The following HCN1 variants were observed in gnomAD, a reference collection of about 807,000 sequenced individuals.
HCN1 encodes potassium/sodium hyperpolarization-activated cyclic nucleotide-gated channel 1.
In HCN1, 13 loss-of-function variants were observed where a neutral mutation model predicts 78.9. The observed-to-expected ratio is 0.16, with a 90% CI of 0.11 to 0.26. The LOEUF is 0.26. Ranked by LOEUF, HCN1 falls within the 10% of genes least tolerant of loss-of-function variation. The pLI is 1.00. For missense variants in HCN1, 810 were observed against 1,154.3 expected (o/e 0.70, Z 4.32); for synonymous variants, 552 against 455.5 (o/e 1.21, Z -2.70).
intron 5 of HCN1, among the ~76,000 whole-genome samples, chr5:45,318,969 G>C (rs1440125614): frequency 6.6e-6 from 1 of 151,844 alleles, no homozygotes; most frequent in East Asian, 1.9e-4. Context: ...TTGTGTCTTG[G>C]TTCTTTTACT....
At chr5:45,454,686 C>T (rs551653488) in intron 3 of HCN1, among the ~76,000 whole-genome samples, 1 of 151,828 alleles carries the variant, frequency 6.6e-6, no homozygotes, top group African/African-American at 2.4e-5. Context: ...ATTACTTTGG[C>T]TATATTATGT....
At chr5:45,334,315 A>T (rs551500230) in intron 5 of HCN1, among the ~76,000 whole-genome samples, 1 of 151,704 alleles carries the variant, frequency 6.6e-6, no homozygotes, top group Admixed American at 6.6e-5. Flanking sequence ...TGTTCTTTAC[A>T]TCTTGTATCC....
chr5:45,266,181 C>T (rs1422007747), intron 7 of HCN1, among the ~76,000 whole-genome samples: 1 of 152,094 alleles, frequency 6.6e-6, no homozygotes, highest in Non-Finnish European at 1.5e-5. Flanking sequence ...ACTAGCATAA[C>T]TAATAAGGCC....
At chr5:45,688,165 C>T (rs1459830998) in intron 1 of HCN1, among the ~76,000 whole-genome samples, 1 of 152,066 alleles carries the variant, frequency 6.6e-6, no homozygotes, top group Non-Finnish European at 1.5e-5. Flanking sequence ...TGTGTCTGTG[C>T]TTTTTCATAT....
chr5:45,396,439 T>C, intron 4 of HCN1, 53 bp downstream of exon 4: 3 of 1,383,232 alleles, frequency 2.2e-6, no homozygotes, highest in Non-Finnish European at 3.0e-6. Flanking sequence ...CAATTCAATT[T>C]ACTGGTTCAG....
intron 4 of HCN1, among the ~76,000 whole-genome samples, chr5:45,357,043 C>CT (rs553057219): frequency 1.1e-3 from 167 of 151,876 alleles, no homozygotes; most frequent in Admixed American, 1.6e-3. Flanking sequence ...TATTTTTTTT[C>CT]TAGCCTCCTT....
intron 1 of HCN1, among the ~76,000 whole-genome samples, chr5:45,676,877 T>G (rs1313920336): frequency 6.6e-6 from 1 of 151,770 alleles, no homozygotes; most frequent in Non-Finnish European, 1.5e-5. Context: ...GGTAGTTAAT[T>G]ATTACCTACC....
intron 2 of HCN1, chr5:45,574,993 T>C (rs1743910522): frequency 6.6e-6 from 1 of 152,160 alleles, no homozygotes; most frequent in African/African-American, 2.4e-5. Context: ...AAAGAAGTAA[T>C]GTCCAGAACA....
At chr5:45,458,682 A>G (rs1291087223) in intron 3 of HCN1, among the ~76,000 whole-genome samples, 2 of 152,188 alleles carry the variant, frequency 1.3e-5, no homozygotes, top group African/African-American at 4.8e-5. Context: ...CAGAAATTAC[A>G]GAGTCAGATA....
intron 2 of HCN1, among the ~76,000 whole-genome samples, chr5:45,614,115 G>T (rs16902187): frequency 1.7e-3 from 260 of 152,218 alleles, no homozygotes; most frequent in African/African-American, 5.6e-3. Context: ...ATGGACATCT[G>T]TTGTTCATGT....
intron 4 of HCN1, among the ~76,000 whole-genome samples, chr5:45,378,995 C>T (rs1747748466): frequency 1.3e-5 from 2 of 152,164 alleles, no homozygotes; most frequent in South Asian, 2.1e-4. Flanking sequence ...TGTATATGTG[C>T]CACATTTTCT....
intron 2 of HCN1, among the ~76,000 whole-genome samples, chr5:45,624,809 G>A (rs1745130484): frequency 6.6e-6 from 1 of 151,866 alleles, no homozygotes; most frequent in South Asian, 2.1e-4. Flanking sequence ...AGGGATGTAG[G>A]GCACACTGGA....
intron 1 of HCN1, among the ~76,000 whole-genome samples, chr5:45,655,617 AG>A (rs1745748970): frequency 6.6e-6 from 1 of 152,148 alleles, no homozygotes; most frequent in Non-Finnish European, 1.5e-5. Context: ...GAAGGGGCAT[AG>A]GCTATGATGC....
chr5:45,317,822 C>G (rs1746029546), intron 5 of HCN1, among the ~76,000 whole-genome samples: 1 of 152,174 alleles, frequency 6.6e-6, no homozygotes, highest in African/African-American at 2.4e-5. Flanking sequence ...AAATGCTCAT[C>G]ATCACTGGCC....
intron 6 of HCN1, among the ~76,000 whole-genome samples, chr5:45,294,575 TAATC>T (rs1745450457): frequency 6.6e-6 from 1 of 151,978 alleles, no homozygotes; most frequent in Non-Finnish European, 1.5e-5. Flanking sequence ...ATATTAATAA[TAATC>T]AAATAAATTA....
chr5:45,423,378 T>C (rs901337924), intron 3 of HCN1, among the ~76,000 whole-genome samples: 6 of 152,082 alleles, frequency 3.9e-5, no homozygotes, highest in Non-Finnish European at 8.8e-5. Flanking sequence ...TGCCACACAA[T>C]CAGGCTCCAG....
rs191980834 is a variant in HCN1, at chr5:45,301,214, C to T, written c.1618+2385G>A. Among the ~76,000 whole-genome samples, 9 of 151,036 alleles carry T rather than the reference C, an allele frequency of 6.0e-5. No individual in the cohort carries two copies. In the East Asian group the frequency reaches 1.8e-3, roughly 30 times the overall value. ...CAAAAGTTAGCAGAAAGGATGAAAT[C>T]CTTCATTAATTATTTTGGAAAAATT... On this transcript the variant is annotated intron_variant, in intron 6 of 7. Transcript: ENST00000303230.
intron 5 of HCN1, among the ~76,000 whole-genome samples, chr5:45,350,446 T>G (rs1231740539): frequency 6.6e-6 from 1 of 152,096 alleles, no homozygotes; most frequent in Non-Finnish European, 1.5e-5. Flanking sequence ...CTGGAAGCAT[T>G]CCCTTTGAAA....
At chr5:45,268,906 G>T (rs754221519) in intron 6 of HCN1, among the ~76,000 whole-genome samples, 1 of 152,108 alleles carries the variant, frequency 6.6e-6, no homozygotes, top group Non-Finnish European at 1.5e-5. Flanking sequence ...GAAGCATTTT[G>T]AATACTACTC....
Sources: gnomAD v4.1 joint callset for allele counts (sites outside exome capture counted in the v4.1 genomes callset) on GRCh38, gnomAD v4.1.1 for gene constraint, MANE v1.5 for transcripts, NCBI Gene and HGNC (gene_info 2026-07-23, HGNC 2026-07-21) for gene names.